Variants in IQCH observed in about 807,000 individuals in gnomAD.
IQCH encodes the protein IQ motif containing H.
In IQCH, 98 loss-of-function variants were observed where a neutral mutation model predicts 117.0. The ratio of observed to expected loss-of-function variants is 0.84; its 90% CI spans 0.71 to 0.99. The LOEUF (loss-of-function observed/expected upper bound fraction) is 0.99. Ranked by LOEUF, IQCH falls within the 50% of genes least tolerant of loss-of-function variation. IQCH has a pLI of 0.00. For missense variants in IQCH, 1,102 were observed against 1,243.8 expected, an observed-to-expected ratio of 0.89 and a Z score of 1.72; for synonymous variants, 412 against 448.2, an observed-to-expected ratio of 0.92 and a Z score of 1.02.
chr15:67,300,450 T>G (rs1466281677), intron 4 of IQCH, among the ~76,000 whole-genome samples: 1 of 152,194 alleles, frequency 6.6e-6, no homozygotes, highest in East Asian at 1.9e-4. Flanking sequence ...TTGACGTCTA[T>G]TGTTCTTCAT....
rs1038025454 is a variant in IQCH, at chr15:67,370,854, CTAAT to C, written c.754-1250_754-1247del. Reference sequence around the variant, plus strand: ...CAGCATTTTTACTTGAGATGGCAGTCTAATTAATTATTGTGCGGCCCAGGACCGG... The same window carrying C: ...CAGCATTTTTACTTGAGATGGCAGTCTAATTATTGTGCGGCCCAGGACCGG... On this transcript the variant is annotated intron_variant, in intron 8 of 20. Coordinates refer to ENST00000335894, the MANE Select transcript of IQCH (RefSeq NM_001031715.3). The surrounding 1 kb of genome is among the most constrained non-coding windows in gnomAD (Gnocchi z 5.6). 2.0e-5 allele frequency among the ~76,000 whole-genome samples: 3 copies of C among 151,936 alleles called. No homozygotes were observed. The highest frequency in any genetic ancestry group is 7.3e-5 in the African/African-American group (3 of 41,350).
chr15:67,358,736 G>A (rs1970017002), intron 7 of IQCH, among the ~76,000 whole-genome samples: 1 of 152,200 alleles, frequency 6.6e-6, no homozygotes, highest in Admixed American at 6.5e-5. Flanking sequence ...AGAAAAGAAA[G>A]AAAGAGAAAT....
chr15:67,343,039 C>G (rs1341843310), intron 5 of IQCH, among the ~76,000 whole-genome samples: 6 of 152,170 alleles, frequency 3.9e-5, no homozygotes. Flanking sequence ...TTTTTCAGCT[C>G]TCCAACCCTT....
chr15:67,379,221 T>C (rs541292410), intron 10 of IQCH, among the ~76,000 whole-genome samples: 4 of 152,322 alleles, frequency 2.6e-5, no homozygotes, highest in African/African-American at 9.6e-5. Flanking sequence ...AATCTAGCCC[T>C]ACACAGATAA....
chr15:67,316,526 G>A (rs1967853513), intron 4 of IQCH, among the ~76,000 whole-genome samples: 1 of 152,122 alleles, frequency 6.6e-6, no homozygotes, highest in Non-Finnish European at 1.5e-5. Flanking sequence ...AGTTTAAAGT[G>A]TAGATACTGG....
chr15:67,402,536 A>T (rs1971706042), intron 14 of IQCH, among the ~76,000 whole-genome samples: 1 of 152,222 alleles, frequency 6.6e-6, no homozygotes. Context: ...GAGCACAGGC[A>T]TGTTTTAATG....
intron 4 of IQCH, among the ~76,000 whole-genome samples, chr15:67,334,603 T>G (rs975914556): frequency 2.0e-5 from 3 of 152,080 alleles, no homozygotes; most frequent in Non-Finnish European, 4.4e-5. Context: ...CCTGGGGAGC[T>G]TTCTAGAAAT....
intron 18 of IQCH, among the ~76,000 whole-genome samples, chr15:67,485,656 CT>C (rs1017448992): frequency 1.3e-5 from 2 of 151,576 alleles, no homozygotes; most frequent in African/African-American, 2.4e-5. Context: ...AATAGAAAAT[CT>C]TTTTTTTTAT....
rs1435126341 is a variant in IQCH, at chr15:67,490,216, A to AT, written c.2861+159dup. On this transcript the variant is annotated intron_variant, in intron 19 of 20. Coordinates refer to ENST00000335894, the MANE Select transcript of IQCH (RefSeq NM_001031715.3). The surrounding 1 kb of genome is among the most constrained non-coding windows in gnomAD (Gnocchi z 4.9). Reference sequence around the variant, plus strand: ...ATCTTCAGGTATTTTATTTTATTCTATTTTTTTGAGACGGAGCCTCACTCT... The same window carrying AT: ...ATCTTCAGGTATTTTATTTTATTCTATTTTTTTTGAGACGGAGCCTCACTCT... 11 of 664,794 alleles carry AT rather than the reference A, an allele frequency of 1.7e-5. No individual in the cohort carries two copies. Among genetic ancestry groups the AT allele is most frequent in the East Asian group, 1.4e-4 (5 of 35,438 alleles). The allele number at this position is 664,794 out of a possible 1,614,324, so 41.2% of individuals were successfully genotyped here.
At chr15:67,267,193 T>C (rs1965712004) in intron 3 of IQCH, among the ~76,000 whole-genome samples, 1 of 152,242 alleles carries the variant, frequency 6.6e-6, no homozygotes, top group Non-Finnish European at 1.5e-5. Flanking sequence ...TTTATTTCTT[T>C]TTTAATATAA....
At chr15:67,337,972 T>TA (rs1968968392) in intron 5 of IQCH, among the ~76,000 whole-genome samples, 1 of 152,244 alleles carries the variant, frequency 6.6e-6, no homozygotes, top group South Asian at 2.1e-4. Flanking sequence ...GAGATCATTA[T>TA]AAATCTCTGG....
chr15:67,394,328 C>T (rs1420976502), intron 12 of IQCH, among the ~76,000 whole-genome samples: 1 of 152,112 alleles, frequency 6.6e-6, no homozygotes, highest in African/African-American at 2.4e-5. Context: ...TCATTTAATC[C>T]TTACAGCATC....
At position 67,500,716 on chromosome 15, in the gene IQCH, T is replaced by G. The variant is rs770276784; in HGVS notation, c.3054T>G (p.Asp1018Glu). 11 of 1,596,944 alleles carry G rather than the reference T, an allele frequency of 6.9e-6. No individual in the cohort carries two copies. The South Asian group carries it at 1.2e-4, about 18-fold the overall frequency. Reference protein sequence around the residue: ...MRFEEEQQSKDDKNLSKPKK With the variant: ...MRFEEEQQSKEDKNLSKPKK The stretch of plus-strand genomic sequence containing the variant: ...TTGAAGAGGAGCAACAGTCCAAAGA[T>G]GATAAAAACCTCTCTAAACCCAAGA... The change falls in exon 21 of 21, where the codon GAT (aspartate) becomes GAG (glutamate). Residue 1018 changes from aspartate to glutamate, a missense_variant. This residue lies in a region of IQCH where 650 missense variants were observed against 794.3 expected (regional missense o/e 0.82). Transcript: ENST00000335894. This position sits in a 1 kb window ranked among gnomAD's most constrained non-coding sequence, Gnocchi z 4.4.
rs553641259 is a variant in IQCH at position 67,454,455 on chromosome 15, A to G, written c.2506-10672A>G. Among the ~76,000 whole-genome samples, 1 of 152,150 alleles carries G rather than the reference A, an allele frequency of 6.6e-6. No individual in the cohort carries two copies. The highest frequency in any genetic ancestry group is 1.5e-5 in the Non-Finnish European group (1 of 68,036). On this transcript the variant is annotated intron_variant, in intron 16 of 20. Coordinates refer to ENST00000335894, the MANE Select transcript of IQCH (RefSeq NM_001031715.3). The surrounding 1 kb of genome is among the most constrained non-coding windows in gnomAD (Gnocchi z 5.2). ...TTCACACTTTTAAAATATACATTAC[A>G]ATGGTTTTTAGTATATTCACAGAGT...
chr15:67,385,050 T>C lies in IQCH; in HGVS notation c.1456+31T>C. On this transcript the variant is annotated intron_variant, in intron 11 of 20. Coordinates refer to ENST00000335894, the MANE Select transcript of IQCH (RefSeq NM_001031715.3). The surrounding 1 kb of genome is among the most constrained non-coding windows in gnomAD (Gnocchi z 4.6). ...GTAAATAGTTTTACACAAATGACTC[T>C]TTGGAATGTTTATCAGTGGATGTTG... 2.3e-6 allele frequency: 3 copies of C among 1,324,664 alleles called. No individual in the cohort carries two copies. Among genetic ancestry groups the C allele is most frequent in the Non-Finnish European group, 3.3e-6 (3 of 919,370 alleles). The allele number at this position is 1,324,664 out of a possible 1,614,324, so 82.1% of individuals were successfully genotyped here. A position where few individuals can be genotyped will look rare whatever the true frequency, so the allele number is the denominator to read the frequency against.
intron 18 of IQCH, among the ~76,000 whole-genome samples, chr15:67,484,307 G>T (rs1421369333): frequency 1.3e-5 from 2 of 152,064 alleles, no homozygotes; most frequent in Non-Finnish European, 2.9e-5. Context: ...TTGGAAGGCT[G>T]AGGTGGGAGA....
At chr15:67,361,675 C>T (rs972599437) in intron 8 of IQCH, among the ~76,000 whole-genome samples, 2 of 152,176 alleles carry the variant, frequency 1.3e-5, no homozygotes, top group African/African-American at 2.4e-5. Flanking sequence ...CTGCTTTCAT[C>T]GGCTCCGACT....
Position 67,409,688 on chromosome 15 carries a change from C to G in IQCH, c.2098-7243C>G, listed in dbSNP as rs1177179674. Among the ~76,000 whole-genome samples, 7 of 152,230 alleles carry G rather than the reference C, an allele frequency of 4.6e-5. No homozygotes were observed. In the East Asian group the frequency reaches 9.6e-4, roughly 21 times the overall value. On this transcript the variant is annotated intron_variant, in intron 14 of 20. Coordinates refer to ENST00000335894, the MANE Select transcript of IQCH (RefSeq NM_001031715.3). ...CCACCACAGCGAATCACTTGCCACA[C>G]AGCCGAAATGGGCCATTAGCTATCG...
In IQCH at chr15:67,404,004, C is replaced by G. The variant is rs941337368; in HGVS notation, c.2097+3699C>G. On this transcript the variant is annotated intron_variant, in intron 14 of 20. Coordinates refer to ENST00000335894, the MANE Select transcript of IQCH (RefSeq NM_001031715.3). The surrounding 1 kb of genome is among the most constrained non-coding windows in gnomAD (Gnocchi z 4.6). ...ATGTGGTCTTGGCATTACTATTTTA[C>G]CACTTAATGAGAAATAGGAAATTGA... 1.3e-5 allele frequency: 2 copies of G among 152,194 alleles called. No homozygotes were observed. The highest frequency in any genetic ancestry group is 4.8e-5 in the African/African-American group (2 of 41,450). 9.4% of individuals were successfully genotyped at this position (152,194 alleles called of 1,614,324 possible).
Sources: allele counts gnomAD v4.1 joint callset (sites outside exome capture counted in the v4.1 genomes callset), GRCh38; gene constraint gnomAD v4.1.1; regional missense constraint gnomAD v4.1.1; non-coding constraint Gnocchi (gnomAD v3.1); transcripts MANE v1.5; gene names NCBI Gene and HGNC (gene_info 2026-07-23, HGNC 2026-07-21).